RBFOX1: variants seen among roughly 807,000 people sequenced by gnomAD.
RBFOX1 encodes RNA binding fox-1 homolog 1, also known as RNA binding protein fox-1 homolog 1.
Under a neutral mutation model 57.7 loss-of-function variants are expected in RBFOX1, and 8 were observed. The observed-to-expected ratio is 0.14, with a 90% CI of 0.08 to 0.25. The LOEUF (loss-of-function observed/expected upper bound fraction) is 0.25. RBFOX1 is among the 10% of genes least tolerant of loss of function. The probability of loss-of-function intolerance (pLI) is 1.00; values close to 1 mark genes in which losing one functional copy is unlikely to be tolerated. For synonymous variants in RBFOX1, 326 were observed against 222.4 expected (o/e 1.47, Z -4.15); for missense variants, 611 against 548.5 (o/e 1.11, Z -1.14).
intron 4 of RBFOX1, among the ~76,000 whole-genome samples, chr16:7,093,093 A>G (rs1290450654): frequency 6.6e-6 from 1 of 152,218 alleles, no homozygotes; most frequent in Non-Finnish European, 1.5e-5. Context: ...GCTTTACAGC[A>G]AAATGCCTCA....
chr16:7,286,241 C>G (rs1044450088), intron 4 of RBFOX1, among the ~76,000 whole-genome samples: 2 of 152,082 alleles, frequency 1.3e-5, no homozygotes, highest in Non-Finnish European at 2.9e-5. Context: ...AGCACAATCG[C>G]CATTGTAAGA....
intron 2 of RBFOX1, among the ~76,000 whole-genome samples, chr16:5,491,857 A>G (rs1007535196): frequency 1.3e-5 from 2 of 152,248 alleles, no homozygotes; most frequent in Non-Finnish European, 2.9e-5. Context: ...GAACAAAACA[A>G]CAGCAACAGG....
intron 2 of RBFOX1, among the ~76,000 whole-genome samples, chr16:6,523,492 G>A (rs1031886816): frequency 2.0e-5 from 3 of 152,014 alleles, no homozygotes; most frequent in African/African-American, 7.2e-5. Flanking sequence ...CTTTCAGTGG[G>A]GTGTGCCCAT....
At chr16:7,709,034 T>G (rs1312843879) in intron 14 of RBFOX1, 22 bp from the exon 15 acceptor site, 11 of 1,596,132 alleles carry the variant, frequency 6.9e-6, no homozygotes, top group Non-Finnish European at 9.5e-6. Flanking sequence ...TGGATCAATC[T>G]TCACCTCTAT....
intron 1 of RBFOX1, among the ~76,000 whole-genome samples, chr16:5,307,361 C>G (rs993250718): frequency 5.3e-5 from 8 of 152,166 alleles, no homozygotes; most frequent in African/African-American, 1.4e-4. Context: ...ACTACTGATT[C>G]TCTCCCTGCC....
chr16:6,879,122 C>T (rs756329676), intron 3 of RBFOX1, among the ~76,000 whole-genome samples: 1 of 152,130 alleles, frequency 6.6e-6, no homozygotes, highest in African/African-American at 2.4e-5. Flanking sequence ...ACAGTTTGAC[C>T]TTCATTTCAG....
At chr16:6,153,969 A>C (rs982013297) in intron 1 of RBFOX1, among the ~76,000 whole-genome samples, 3 of 152,230 alleles carry the variant, frequency 2.0e-5, no homozygotes. Context: ...ATGTCAAGCA[A>C]CAACACAATA....
At chr16:5,953,769 G>C (rs929406387) in intron 4 of RBFOX1, among the ~76,000 whole-genome samples, 8 of 151,626 alleles carry the variant, frequency 5.3e-5, no homozygotes, top group African/African-American at 1.9e-4. Flanking sequence ...GGACATTTGA[G>C]TTGGTTTCAC....
intron 3 of RBFOX1, among the ~76,000 whole-genome samples, chr16:5,817,031 A>T (rs2055666879): frequency 6.6e-6 from 1 of 152,164 alleles, no homozygotes; most frequent in Admixed American, 6.5e-5. Context: ...TGACTAGGAG[A>T]TCCACCCACC....
intron 3 of RBFOX1, among the ~76,000 whole-genome samples, chr16:6,670,211 G>A (rs2098755634): frequency 1.3e-5 from 2 of 152,126 alleles, no homozygotes; most frequent in Non-Finnish European, 2.9e-5. Context: ...CCACAGGAGT[G>A]CACCGTTATG....
intron 1 of RBFOX1, among the ~76,000 whole-genome samples, chr16:5,299,439 A>C (rs943134632): frequency 4.6e-5 from 7 of 152,234 alleles, no homozygotes; most frequent in African/African-American, 7.2e-5. Flanking sequence ...TCATTCTTTT[A>C]GGTAAATGCT....
At chr16:6,009,823 T>TGTGTGTGTGTGTGTGTGC (rs1037166099) in intron 4 of RBFOX1, among the ~76,000 whole-genome samples, 2 of 151,978 alleles carry the variant, frequency 1.3e-5, no homozygotes, top group East Asian at 3.9e-4. Flanking sequence ...TGTCTGTGTG[T>TGTGTGTGTGTGTGTGTGC]GTGTGTGTGT....
intron 3 of RBFOX1, among the ~76,000 whole-genome samples, chr16:5,719,316 C>T (rs1464394831): frequency 6.6e-6 from 1 of 151,536 alleles, no homozygotes; most frequent in Non-Finnish European, 1.5e-5. Context: ...ATTCTCCTGC[C>T]TCAGCCTCCC....
intron 1 of RBFOX1, among the ~76,000 whole-genome samples, chr16:6,117,936 T>C (rs913679884): frequency 6.6e-6 from 1 of 152,198 alleles, no homozygotes; most frequent in African/African-American, 2.4e-5. Flanking sequence ...ATTTTGTTGG[T>C]GATAAAGCGA....
chr16:6,536,218 C>G (rs1249466877), intron 2 of RBFOX1, among the ~76,000 whole-genome samples: 1 of 152,222 alleles, frequency 6.6e-6, no homozygotes, highest in African/African-American at 2.4e-5. Context: ...GAATTATAAA[C>G]TTACTTGCTT....
intron 2 of RBFOX1, among the ~76,000 whole-genome samples, chr16:6,505,911 T>G (rs2096075880): frequency 6.6e-6 from 1 of 152,130 alleles, no homozygotes; most frequent in Non-Finnish European, 1.5e-5. Context: ...ACCTGTTACC[T>G]AGGAGCATAC....
intron 3 of RBFOX1, among the ~76,000 whole-genome samples, chr16:6,985,875 C>A (rs374623923): frequency 3.0e-5 from 3 of 99,936 alleles, no homozygotes; most frequent in Admixed American, 9.6e-5. Flanking sequence ...TTTTCTTTTT[C>A]TTTTCTTTTT....
chr16:6,911,580 A>C (rs2071609418), intron 3 of RBFOX1, among the ~76,000 whole-genome samples: 1 of 152,124 alleles, frequency 6.6e-6, no homozygotes, highest in African/African-American at 2.4e-5. Flanking sequence ...TAATGACTTA[A>C]TTTTGTTACC....
intron 1 of RBFOX1, among the ~76,000 whole-genome samples, chr16:6,101,506 G>A (rs1254168703): frequency 6.6e-6 from 1 of 151,762 alleles, no homozygotes; most frequent in African/African-American, 2.4e-5. Context: ...ATTTTTTTGA[G>A]ACAGAGTTTC....
Sources: gnomAD v4.1 joint callset for allele counts (sites outside exome capture counted in the v4.1 genomes callset) on GRCh38, gnomAD v4.1.1 for gene constraint, MANE v1.5 for transcripts, NCBI Gene and HGNC (gene_info 2026-07-23, HGNC 2026-07-21) for gene names.